The following FAM149B1 variants were observed in gnomAD, a reference collection of about 807,000 sequenced individuals.
FAM149B1 encodes the protein primary cilium assembly protein FAM149B1.
Under a neutral mutation model 75.3 loss-of-function variants are expected in FAM149B1, and 56 were observed. That is an observed-to-expected ratio of 0.74 (90% CI 0.60 to 0.93). The LOEUF is 0.93. Among genes scored for constraint, FAM149B1 ranks in the 40% least tolerant of loss-of-function variants. FAM149B1 has a pLI of 0.00. For missense variants in FAM149B1, 639 were observed against 708.4 expected (o/e 0.90, Z 1.11); for synonymous variants, 259 against 256.1 (o/e 1.01, Z -0.11).
chr10:73,194,692 CTT>C (rs907275529), intron 5 of FAM149B1, among the ~76,000 whole-genome samples: 1 of 143,482 alleles, frequency 7.0e-6, no homozygotes, highest in African/African-American at 2.6e-5. Context: ...TTTTTTTTCT[CTT>C]GAGACAGAAT....
At position 73,208,730 on chromosome 10, in the gene FAM149B1, T is replaced by C. The variant is rs1280178946; in HGVS notation, c.654T>C (p.Ser218=). Reference sequence around the variant, plus strand: ...CTATGGAAAGAGATGAGGAAGACTCTATAATCGTCTCAGAAGGAATAATTG... The same window carrying C: ...CTATGGAAAGAGATGAGGAAGACTCCATAATCGTCTCAGAAGGAATAATTG... ...FCSMERDEED[S]IIVSEGIIEE... is the part of the protein sequence containing the mutation. The change falls in exon 6 of 14, where the codon TCT becomes TCC. Residue 218 remains serine, a synonymous_variant. Coordinates refer to ENST00000242505, the MANE Select transcript of FAM149B1 (RefSeq NM_173348.2). 1.3e-5 allele frequency: 20 copies of C among 1,544,754 alleles called. No individual in the cohort carries two copies.
chr10:73,243,503 C>T lies in FAM149B1; in HGVS notation c.*2484C>T, dbSNP rs148829608. The stretch of plus-strand genomic sequence containing the variant: ...CAGAAAATTGTCCATTTCCTTTTGC[C>T]GATCCTTTTGTCTGCTCTGTTTGAG... On this transcript the variant is annotated 3_prime_UTR_variant, in exon 14 of 14. Coordinates refer to ENST00000242505, the MANE Select transcript of FAM149B1 (RefSeq NM_173348.2). 17 of 1,613,874 alleles carry T rather than the reference C, an allele frequency of 1.1e-5. No homozygotes were observed. The East Asian group carries it at 2.0e-4, about 19-fold the overall frequency.
chr10:73,230,338 A>T, intron 8 of FAM149B1, 84 bp from the exon 9 acceptor site: 1 of 743,638 alleles, frequency 1.3e-6, no homozygotes, highest in Non-Finnish European at 2.4e-6. Context: ...ACCAAATTGG[A>T]AATATTAACT....
intron 3 of FAM149B1, among the ~76,000 whole-genome samples, chr10:73,187,148 A>G (rs2042545209): frequency 1.3e-5 from 2 of 152,164 alleles, no homozygotes; most frequent in Non-Finnish European, 2.9e-5. Flanking sequence ...ATTTAACAGA[A>G]GCAACACAAG....
At chr10:73,232,911 C>T (rs1319138514) in intron 9 of FAM149B1, 28 bp from the exon 10 acceptor site, 2 of 1,312,940 alleles carry the variant, frequency 1.5e-6, no homozygotes, top group Non-Finnish European at 2.2e-6. Flanking sequence ...ATCTTTACTT[C>T]ATTGTGGGTT....
At chr10:73,189,540 TAAAAC>T (rs1273097077) in intron 3 of FAM149B1, among the ~76,000 whole-genome samples, 1 of 152,208 alleles carries the variant, frequency 6.6e-6, no homozygotes. Flanking sequence ...AGCATAGTCT[TAAAAC>T]AAAATACTTT....
chr10:73,211,495 A>G (rs1239829021), intron 7 of FAM149B1, among the ~76,000 whole-genome samples: 1 of 152,208 alleles, frequency 6.6e-6, no homozygotes, highest in East Asian at 1.9e-4. Context: ...TCATGATATG[A>G]TATGGAATGA....
At chr10:73,200,327 A>T in intron 5 of FAM149B1, 1 of 445,110 alleles carries the variant, frequency 2.2e-6, no homozygotes, top group Non-Finnish European at 4.4e-6. Flanking sequence ...CAAGAGCGAA[A>T]CTACATCGCA....
chr10:73,235,378 A>G, intron 12 of FAM149B1, 60 bp downstream of exon 12: 3 of 1,544,686 alleles, frequency 1.9e-6, no homozygotes, highest in Non-Finnish European at 1.7e-6. Flanking sequence ...GGTGGGGGGA[A>G]TAATAGTTTG....
At chr10:73,201,085 A>C (rs2042924419) in intron 5 of FAM149B1, 1 of 278,474 alleles carries the variant, frequency 3.6e-6, no homozygotes, top group Non-Finnish European at 7.3e-6. Flanking sequence ...TATTCGCAGA[A>C]TTGGCAGAGG....
intron 5 of FAM149B1, among the ~76,000 whole-genome samples, chr10:73,206,686 C>T (rs1349255831): frequency 6.6e-6 from 1 of 152,174 alleles, no homozygotes; most frequent in Non-Finnish European, 1.5e-5. Context: ...TACAGCTTGA[C>T]TTGCCGCTTT....
chr10:73,177,942 T>TA lies in FAM149B1; in HGVS notation c.249_250insA (p.Glu84ArgfsTer12), dbSNP rs1262319114. ...GTTATACAGGCGCAGGGATATCTACTGAAGGAAGCTCGGACTTCTCCTGGG... is the reference window on the plus strand; with the variant it reads ...GTTATACAGGCGCAGGGATATCTACTAGAAGGAAGCTCGGACTTCTCCTGGG... On this transcript the variant is annotated frameshift_variant, in exon 3 of 14. Coordinates refer to ENST00000242505, the MANE Select transcript of FAM149B1 (RefSeq NM_173348.2). LOFTEE classifies it high-confidence loss of function. 6.4e-7 allele frequency: 1 copy of TA among 1,551,422 alleles called. No individual in the cohort carries two copies. Among genetic ancestry groups the TA allele is most frequent in the Non-Finnish European group, 8.7e-7 (1 of 1,146,938 alleles).
intron 3 of FAM149B1, among the ~76,000 whole-genome samples, chr10:73,186,604 A>T (rs1028200773): frequency 9.9e-5 from 15 of 152,224 alleles, no homozygotes; most frequent in Non-Finnish European, 2.2e-4. Context: ...CCACCCCCCA[A>T]ATCTAATAGG....
chr10:73,231,047 A>G (rs1220370270), intron 9 of FAM149B1: 1 of 153,394 alleles, frequency 6.5e-6, no homozygotes, highest in Non-Finnish European at 1.5e-5. Context: ...TAGAATTAAA[A>G]TAGACCATGG....
At chr10:73,230,803 C>T (rs994748950) in intron 9 of FAM149B1, 2 of 259,512 alleles carry the variant, frequency 7.7e-6, no homozygotes, top group Non-Finnish European at 1.5e-5. Flanking sequence ...ATGACAGCCC[C>T]AAAGCATTCT....
chr10:73,238,876 A>T (rs1337451898), intron 12 of FAM149B1: 1 of 153,108 alleles, frequency 6.5e-6, no homozygotes, highest in Non-Finnish European at 1.5e-5. Flanking sequence ...CATAATGCTA[A>T]AAAGTAAATG....
intron 5 of FAM149B1, chr10:73,199,802 G>A (rs765628873): frequency 1.0e-4 from 16 of 156,560 alleles, no homozygotes; most frequent in Non-Finnish European, 1.6e-4. Context: ...CTTTTCAGTC[G>A]GGTGCTAAGT....
chr10:73,216,929 A>C (rs2043310211), intron 7 of FAM149B1, among the ~76,000 whole-genome samples: 1 of 152,216 alleles, frequency 6.6e-6, no homozygotes, highest in South Asian at 2.1e-4. Flanking sequence ...CCAAAAGTTT[A>C]TGCCTTTCAT....
intron 5 of FAM149B1, among the ~76,000 whole-genome samples, chr10:73,205,515 T>G (rs2043035258): frequency 6.6e-6 from 1 of 152,108 alleles, no homozygotes; most frequent in African/African-American, 2.4e-5. Flanking sequence ...TCTTTTCCTA[T>G]AAATTACCCA....
Sources: gnomAD v4.1 joint callset for allele counts (sites outside exome capture counted in the v4.1 genomes callset) on GRCh38, gnomAD v4.1.1 for gene constraint, MANE v1.5 for transcripts, NCBI Gene and HGNC (gene_info 2026-07-23, HGNC 2026-07-21) for gene names.